CACNA1B: variants seen among roughly 807,000 people sequenced by gnomAD.
CACNA1B encodes calcium voltage-gated channel subunit alpha1 B, also known as voltage-dependent N-type calcium channel subunit alpha-1B.
A neutral mutation model predicts 247.2 loss-of-function variants in CACNA1B; 70 were observed. That is an observed-to-expected ratio of 0.28 (90% CI 0.23 to 0.35). CACNA1B has a LOEUF of 0.35. Ranked by LOEUF, CACNA1B falls within the 10% of genes least tolerant of loss-of-function variation. CACNA1B has a pLI of 1.00. For missense variants in CACNA1B, 2,367 were observed against 3,197.4 expected (o/e 0.74, Z 6.26); for synonymous variants, 1,231 against 1,294.4 (o/e 0.95, Z 1.05).
chr9:138,037,531 C>T (rs180873658), intron 20 of CACNA1B, among the ~76,000 whole-genome samples: 21 of 152,174 alleles, frequency 1.4e-4, no homozygotes, highest in African/African-American at 4.3e-4. Flanking sequence ...TGGTGGCAAG[C>T]GCCTGTAATT....
At chr9:137,911,480 A>G (rs1957359109) in intron 3 of CACNA1B, among the ~76,000 whole-genome samples, 1 of 152,156 alleles carries the variant, frequency 6.6e-6, no homozygotes, top group South Asian at 2.1e-4. Flanking sequence ...CAATGGCGCA[A>G]TCTCGGCTCA....
At position 138,007,559 on chromosome 9, in the gene CACNA1B, G is replaced by T. The variant is rs1958668754; in HGVS notation, c.2092+675G>T. Among the ~76,000 whole-genome samples, 1 of 152,184 alleles carries T rather than the reference G, an allele frequency of 6.6e-6. No individual in the cohort carries two copies. The highest frequency in any genetic ancestry group is 1.5e-5 in the Non-Finnish European group (1 of 68,030). The stretch of plus-strand genomic sequence containing the variant: ...TGGGGTGGGAAGTTCAGGCCTAGAA[G>T]TGTCTTTGGTTCTCAAACTCATCTG... On this transcript the variant is annotated intron_variant, in intron 16 of 46. Transcript: ENST00000371372. This position sits in a 1 kb window ranked among gnomAD's most constrained non-coding sequence, Gnocchi z 4.1.
chr9:137,989,550 T>C (rs1309632174), intron 15 of CACNA1B, among the ~76,000 whole-genome samples: 1 of 152,200 alleles, frequency 6.6e-6, no homozygotes, highest in African/African-American at 2.4e-5. Context: ...TCTTATACGC[T>C]GCCCTAGAAA....
intron 20 of CACNA1B, among the ~76,000 whole-genome samples, chr9:138,040,885 T>C (rs1026970737): frequency 1.3e-5 from 2 of 152,138 alleles, no homozygotes; most frequent in African/African-American, 4.8e-5. Flanking sequence ...AAACATCACA[T>C]CCTCCTTTTC....
chr9:137,906,623 C>G (rs187395497), intron 3 of CACNA1B, among the ~76,000 whole-genome samples: 1 of 150,228 alleles, frequency 6.7e-6, no homozygotes, highest in Non-Finnish European at 1.5e-5. Context: ...ATACATGTTC[C>G]CCTGTATGCC....
chr9:138,077,520 G>A (rs1019817863), intron 35 of CACNA1B, among the ~76,000 whole-genome samples: 1 of 152,202 alleles, frequency 6.6e-6, no homozygotes, highest in African/African-American at 2.4e-5. Context: ...TCATCGGAGG[G>A]TTTTGAGAGG....
Position 137,880,164 on chromosome 9 carries a change from A to T in CACNA1B, c.390+1005A>T, listed in dbSNP as rs1158402660. 2.0e-5 allele frequency among the ~76,000 whole-genome samples: 3 copies of T among 152,340 alleles called. No homozygotes were observed. The East Asian group carries it at 5.8e-4, about 29-fold the overall frequency. On this transcript the variant is annotated intron_variant, in intron 2 of 46. Transcript: ENST00000371372. The surrounding 1 kb of genome is among the most constrained non-coding windows in gnomAD (Gnocchi z 4.8). The stretch of plus-strand genomic sequence containing the variant: ...TTTGAACCTGGGCCACCGCAGGCCC[A>T]GGAGTGCAGAAGGGGAGACAGGGAG...
intron 39 of CACNA1B, among the ~76,000 whole-genome samples, chr9:138,112,141 GACAC>G (rs1491079665): frequency 6.6e-6 from 1 of 152,180 alleles, no homozygotes; most frequent in Non-Finnish European, 1.5e-5. Context: ...ACACACGTCG[GACAC>G]ACACGTGTGC....
chr9:138,033,953 C>A (rs1959014016), intron 20 of CACNA1B, among the ~76,000 whole-genome samples: 1 of 152,098 alleles, frequency 6.6e-6, no homozygotes, highest in South Asian at 2.1e-4. Flanking sequence ...CCATTATTGA[C>A]AGATGGGAAT....
chr9:138,050,354 G>C lies in CACNA1B; in HGVS notation c.3710+1039G>C, dbSNP rs1959232499. Among the ~76,000 whole-genome samples, 1 of 152,200 alleles carries C rather than the reference G, an allele frequency of 6.6e-6. No homozygotes were observed. Among genetic ancestry groups the C allele is most frequent in the South Asian group, 2.1e-4 (1 of 4,836 alleles). ...GTCACCAGCGAGGGCTGGAGGCTGG[G>C]GCCATTGGCCTGGAGGGCAGCAAGG... On this transcript the variant is annotated intron_variant, in intron 24 of 46. Coordinates refer to ENST00000371372, the MANE Select transcript of CACNA1B (RefSeq NM_000718.4). This position sits in a 1 kb window ranked among gnomAD's most constrained non-coding sequence, Gnocchi z 5.2.
At chr9:137,878,939 T>G (rs1956877157) in intron 1 of CACNA1B, 115 bp from the exon 2 acceptor site, 5 of 640,088 alleles carry the variant, frequency 7.8e-6, no homozygotes, top group Non-Finnish European at 2.8e-6. Context: ...CCGGACCCAG[T>G]TGTCTCAGCC....
intron 24 of CACNA1B, among the ~76,000 whole-genome samples, chr9:138,049,593 G>C (rs1470160755): frequency 6.6e-6 from 1 of 152,166 alleles, no homozygotes; most frequent in Non-Finnish European, 1.5e-5. Flanking sequence ...GTGCTATGTG[G>C]GGCTGGGAGG....
rs975151514 is a variant in CACNA1B, at chr9:137,952,104, C to G, written c.967-170C>G. On this transcript the variant is annotated intron_variant, in intron 6 of 46. Transcript: ENST00000371372. This position sits in a 1 kb window ranked among gnomAD's most constrained non-coding sequence, Gnocchi z 4.8. ...AGGGCACGTCTGCCTGTGGGTGCTGCCTGGACTCCAGCCCCATGCTTGGAC... is the reference window on the plus strand; with the variant it reads ...AGGGCACGTCTGCCTGTGGGTGCTGGCTGGACTCCAGCCCCATGCTTGGAC... Among the ~76,000 whole-genome samples the G allele has an allele frequency of 6.6e-6, 1 of 152,136 alleles. No homozygotes were observed. Among genetic ancestry groups the G allele is most frequent in the African/African-American group, 2.4e-5 (1 of 41,410 alleles).
intron 20 of CACNA1B, 97 bp downstream of exon 20, chr9:138,025,269 C>G (rs1015641757): frequency 2.1e-5 from 16 of 774,258 alleles, no homozygotes; most frequent in Non-Finnish European, 3.5e-5. Flanking sequence ...GGGGACCCAG[C>G]CTACCTCTGT....
rs1960216612 is a variant in CACNA1B, at chr9:138,073,838, T to C, written c.4792-163T>C. ...GGGTTTCATGACTCCGAGTTAGAGA[T>C]AAAGAAACTGGGGCATCACTTGGTG... On this transcript the variant is annotated intron_variant, in intron 33 of 46. Coordinates refer to ENST00000371372, the MANE Select transcript of CACNA1B (RefSeq NM_000718.4). This position sits in a 1 kb window ranked among gnomAD's most constrained non-coding sequence, Gnocchi z 6.4. Among the ~76,000 whole-genome samples the C allele has an allele frequency of 6.6e-6, 1 of 152,210 alleles. No individual in the cohort carries two copies. Among genetic ancestry groups the C allele is most frequent in the Admixed American group, 6.5e-5 (1 of 15,288 alleles).
chr9:137,960,230 A>T (rs1210735191), intron 10 of CACNA1B, among the ~76,000 whole-genome samples: 585 of 13,080 alleles, frequency 0.045, no homozygotes, highest in Non-Finnish European at 0.049. Context: ...GCCGGAGGGA[A>T]GCCGGGAGAG....
chr9:138,111,570 C>T (rs577804434), intron 39 of CACNA1B, among the ~76,000 whole-genome samples: 100 of 152,286 alleles, frequency 6.6e-4, no homozygotes, highest in African/African-American at 2.1e-3. Context: ...TGCTGCTAGG[C>T]ACATGGGCGT....
At chr9:138,048,422 G>T (rs564159618) in intron 23 of CACNA1B, among the ~76,000 whole-genome samples, 1 of 152,320 alleles carries the variant, frequency 6.6e-6, no homozygotes, top group African/African-American at 2.4e-5. Context: ...CATTCAGGCT[G>T]CAGGGAATTT....
At chr9:137,905,016 A>G (rs1390926032) in intron 3 of CACNA1B, among the ~76,000 whole-genome samples, 2 of 152,172 alleles carry the variant, frequency 1.3e-5, no homozygotes, top group African/African-American at 4.8e-5. Context: ...CTAAATGTCA[A>G]CATTCAATTT....
Sources: gnomAD v4.1 joint callset for allele counts (sites outside exome capture counted in the v4.1 genomes callset) on GRCh38, gnomAD v4.1.1 for gene constraint, Gnocchi (gnomAD v3.1) non-coding constraint, MANE v1.5 for transcripts, NCBI Gene and HGNC (gene_info 2026-07-23, HGNC 2026-07-21) for gene names.